The following HSD17B4 variants were observed in gnomAD, a reference collection of about 807,000 sequenced individuals.
HSD17B4 encodes the protein peroxisomal multifunctional enzyme type 2.
A neutral mutation model predicts 101.0 loss-of-function variants in HSD17B4; 70 were observed. The observed-to-expected ratio is 0.69, with a 90% CI of 0.57 to 0.85. HSD17B4 has a LOEUF of 0.85. HSD17B4 is among the 40% of genes least tolerant of loss of function. HSD17B4 has a pLI of 0.00. For synonymous variants in HSD17B4, 347 were observed against 297.1 expected (o/e 1.17, Z -1.73); for missense variants, 984 against 892.4 (o/e 1.10, Z -1.31).
intron 14 of HSD17B4, among the ~76,000 whole-genome samples, chr5:119,504,969 G>A (rs1751512776): frequency 6.6e-6 from 1 of 152,014 alleles, no homozygotes; most frequent in Non-Finnish European, 1.5e-5. Flanking sequence ...TCTGCATATG[G>A]CTAGCCAGTT....
intron 2 of HSD17B4, among the ~76,000 whole-genome samples, chr5:119,461,032 G>A (rs1355730504): frequency 1.3e-5 from 2 of 151,870 alleles, no homozygotes; most frequent in Non-Finnish European, 2.9e-5. Context: ...AGAGATGAGG[G>A]CAGAGGGGTC....
intron 20 of HSD17B4, 24 bp downstream of exon 20, chr5:119,527,243 T>G (rs1753686061): frequency 8.0e-7 from 1 of 1,257,394 alleles, no homozygotes; most frequent in African/African-American, 1.5e-5. Flanking sequence ...TTTTTCACCC[T>G]TCTCACATGC....
chr5:119,506,645 C>T lies in HSD17B4; in HGVS notation c.1262-173C>T, dbSNP rs188126532. On this transcript the variant is annotated intron_variant, in intron 14 of 23. Transcript: ENST00000510025. ...TACACTCCCACCAACAGTGTAAAAG[C>T]GTTCTTATTTCTCCACATCCTCTGC... Among the ~76,000 whole-genome samples the T allele has an allele frequency of 4.6e-5, 7 of 152,276 alleles. No homozygotes were observed. In the East Asian group the frequency reaches 7.7e-4, roughly 17 times the overall value.
intron 13 of HSD17B4, among the ~76,000 whole-genome samples, chr5:119,501,421 C>T (rs1751154876): frequency 6.6e-6 from 1 of 151,196 alleles, no homozygotes; most frequent in Non-Finnish European, 1.5e-5. Context: ...TTTTGGTTTT[C>T]CTGTCCTGTT....
chr5:119,473,793 G>T, intron 2 of HSD17B4, 115 bp from the exon 3 acceptor site: 1 of 732,048 alleles, frequency 1.4e-6, no homozygotes. Context: ...GGAAGGAACT[G>T]GGCAGATGAC....
In HSD17B4 at chr5:119,525,904, T is replaced by C; in HGVS notation, c.1574-13T>C. On this transcript the variant is annotated splice_polypyrimidine_tract_variant and intron_variant, in intron 18 of 23. Coordinates refer to ENST00000510025, the MANE Select transcript of HSD17B4 (RefSeq NM_000414.4). ...GGTACCTGTATCTAACTCAGTGTTC[T>C]CTCTTTTCCTAGGTTTTGACAAGCC... The C allele has an allele frequency of 6.7e-7, 1 of 1,492,316 alleles. No individual in the cohort carries two copies. The highest frequency in any genetic ancestry group is 9.4e-7 in the Non-Finnish European group (1 of 1,069,136). The allele number at this position is 1,492,316 out of a possible 1,614,324, so 92.4% of individuals were successfully genotyped here.
At chr5:119,465,851 C>T (rs1208959950) in intron 2 of HSD17B4, among the ~76,000 whole-genome samples, 1 of 152,160 alleles carries the variant, frequency 6.6e-6, no homozygotes. Context: ...CTAGTACTTT[C>T]AGCACTATGT....
chr5:119,477,734 G>A, intron 7 of HSD17B4: 1 of 496,052 alleles, frequency 2.0e-6, no homozygotes, highest in South Asian at 2.4e-5. Flanking sequence ...TGTTATTAAA[G>A]ATTTTCTTGC....
rs746747692 is a variant in HSD17B4, at chr5:119,509,229, A to C, written c.1422A>C (p.Thr474=). ...VGSGGFGGKR[T]SDKVKVAVAI... ...CTGGAGGCTTTGGTGGAAAACGGAC[A>C]TCAGACAAAGTCAAGGTAAGCCATG... The change falls in exon 16 of 24, where the codon ACA becomes ACC. Residue 474 remains threonine, a synonymous_variant. Coordinates refer to ENST00000510025, the MANE Select transcript of HSD17B4 (RefSeq NM_000414.4). 1.3e-6 allele frequency: 2 copies of C among 1,599,650 alleles called. No homozygotes were observed. Among genetic ancestry groups the C allele is most frequent in the Non-Finnish European group, 1.7e-6 (2 of 1,166,768 alleles).
At chr5:119,496,850 A>G (rs762510467) in intron 12 of HSD17B4, among the ~76,000 whole-genome samples, 2 of 152,236 alleles carry the variant, frequency 1.3e-5, no homozygotes, top group African/African-American at 4.8e-5. Context: ...GATTGACTTT[A>G]TAACATACAG....
intron 10 of HSD17B4, 127 bp downstream of exon 10, chr5:119,492,251 C>G (rs1750177371): frequency 3.9e-6 from 3 of 778,040 alleles, no homozygotes; most frequent in Admixed American, 1.8e-5. Flanking sequence ...CATATTCAAA[C>G]TTAAACATTG....
intron 20 of HSD17B4, among the ~76,000 whole-genome samples, chr5:119,528,492 A>G (rs1453861418): frequency 6.6e-6 from 1 of 151,988 alleles, no homozygotes; most frequent in African/African-American, 2.4e-5. Context: ...ACTATTCCCC[A>G]CTTTCCTACC....
chr5:119,506,953 A>G, intron 15 of HSD17B4, 64 bp downstream of exon 15: 1 of 814,116 alleles, frequency 1.2e-6, no homozygotes, highest in Non-Finnish European at 2.1e-6. Flanking sequence ...ATGACATAAT[A>G]CTTCACCATA....
rs1219839852 is a variant in HSD17B4 at position 119,452,739 on chromosome 5, G to A, written c.58+106G>A. The stretch of plus-strand genomic sequence containing the variant: ...CCGCAGCTGAGGTCACCCCGCTGAG[G>A]TGGTGGGGAGGGGAATGGTTATTCT... On this transcript the variant is annotated intron_variant, in intron 1 of 23. Coordinates refer to ENST00000510025, the MANE Select transcript of HSD17B4 (RefSeq NM_000414.4). The A allele has an allele frequency of 3.1e-6, 5 of 1,598,272 alleles. No homozygotes were observed. The South Asian group carries it at 5.5e-5, about 18-fold the overall frequency.
chr5:119,460,246 T>G (rs1755086317), intron 2 of HSD17B4, among the ~76,000 whole-genome samples: 1 of 152,176 alleles, frequency 6.6e-6, no homozygotes, highest in Admixed American at 6.5e-5. Context: ...GCTAAATATT[T>G]AAACCATCCC....
intron 14 of HSD17B4, among the ~76,000 whole-genome samples, chr5:119,503,662 C>T (rs1751393254): frequency 6.6e-6 from 1 of 151,500 alleles, no homozygotes; most frequent in Non-Finnish European, 1.5e-5. Context: ...GTGGTAGTGT[C>T]ATAGGCTGAC....
At chr5:119,540,473 C>G (rs190783836) in intron 23 of HSD17B4, among the ~76,000 whole-genome samples, 3 of 152,162 alleles carry the variant, frequency 2.0e-5, no homozygotes, top group Non-Finnish European at 4.4e-5. Context: ...ATTTTTACTT[C>G]TAGTAATTAG....
At chr5:119,497,844 A>G (rs377227615) in intron 12 of HSD17B4, among the ~76,000 whole-genome samples, 1 of 152,186 alleles carries the variant, frequency 6.6e-6, no homozygotes, top group African/African-American at 2.4e-5. Context: ...AGATTTCTGT[A>G]TCTAACTGTA....
chr5:119,537,919 G>T (rs1754666876), intron 23 of HSD17B4, among the ~76,000 whole-genome samples: 1 of 152,074 alleles, frequency 6.6e-6, no homozygotes, highest in Non-Finnish European at 1.5e-5. Context: ...TACCTTCTGG[G>T]GTTTTCTAAG....
Sources: gnomAD v4.1 joint callset for allele counts (sites outside exome capture counted in the v4.1 genomes callset) on GRCh38, gnomAD v4.1.1 for gene constraint, MANE v1.5 for transcripts, NCBI Gene and HGNC (gene_info 2026-07-23, HGNC 2026-07-21) for gene names.